ITPK1: variants seen among roughly 807,000 people sequenced by gnomAD.
ITPK1 encodes the protein inositol 1,3,4-trisphosphate 5/6-kinase.
A neutral mutation model predicts 45.3 loss-of-function variants in ITPK1; 21 were observed. That is an observed-to-expected ratio of 0.46 (90% CI 0.33 to 0.67). ITPK1 has a LOEUF of 0.67. ITPK1 is among the 30% of genes least tolerant of loss of function. The pLI, the probability that ITPK1 is intolerant of heterozygous loss-of-function variation, is 0.02. For missense variants in ITPK1, 474 were observed against 573.5 expected (o/e 0.83, Z 1.77); for synonymous variants, 258 against 253.6 (o/e 1.02, Z -0.16).
At chr14:93,018,362 G>A (rs935075492) in intron 3 of ITPK1, among the ~76,000 whole-genome samples, 4 of 152,114 alleles carry the variant, frequency 2.6e-5, no homozygotes, top group South Asian at 4.2e-4. Context: ...TGTTAGCACC[G>A]GGGAACTTTG....
rs547080570 is a variant in ITPK1, at chr14:93,040,464, G to T, written c.121-23663C>A. 6.6e-5 allele frequency among the ~76,000 whole-genome samples: 10 copies of T among 152,254 alleles called. No individual in the cohort carries two copies. In the South Asian group the frequency reaches 1.9e-3, roughly 28 times the overall value. ...TCACCACCAACAGAATGAGGTCAAGGCCCCTGGCCAGAGCACACATGGTCC... is the reference window on the plus strand; with the variant it reads ...TCACCACCAACAGAATGAGGTCAAGTCCCCTGGCCAGAGCACACATGGTCC... On this transcript the variant is annotated intron_variant, in intron 3 of 10. Coordinates refer to ENST00000267615, the MANE Select transcript of ITPK1 (RefSeq NM_014216.6).
At position 93,036,989 on chromosome 14, in the gene ITPK1, T is replaced by G. The variant is rs1020392734; in HGVS notation, c.121-20188A>C. The G allele has an allele frequency of 6.6e-6, 1 of 152,222 alleles. No individual in the cohort carries two copies. Among genetic ancestry groups the G allele is most frequent in the Admixed American group, 6.5e-5 (1 of 15,282 alleles). 9.4% of individuals were successfully genotyped at this position (152,222 alleles called of 1,614,324 possible). On this transcript the variant is annotated intron_variant, in intron 3 of 10. Transcript: ENST00000267615. This position sits in a 1 kb window ranked among gnomAD's most constrained non-coding sequence, Gnocchi z 4.1. ...GCCCCCACCCCCTAACAATGCTCCTTTTTTCTTGGGCACTGACCCTCACTT... is the reference window on the plus strand; with the variant it reads ...GCCCCCACCCCCTAACAATGCTCCTGTTTTCTTGGGCACTGACCCTCACTT...
At chr14:92,962,241 G>A (rs974669389) in intron 7 of ITPK1, 114 bp downstream of exon 7, 28 of 815,136 alleles carry the variant, frequency 3.4e-5, no homozygotes, top group Non-Finnish European at 5.7e-5. Context: ...AAGGAGCCAG[G>A]ACTAACAGCA....
At chr14:92,981,234 T>A (rs1886213522) in intron 5 of ITPK1, among the ~76,000 whole-genome samples, 1 of 152,084 alleles carries the variant, frequency 6.6e-6, no homozygotes, top group African/African-American at 2.4e-5. Context: ...GTCACCACCC[T>A]CATCACACCC....
intron 2 of ITPK1, among the ~76,000 whole-genome samples, chr14:93,085,529 G>A (rs1891615472): frequency 1.3e-5 from 2 of 152,186 alleles, no homozygotes; most frequent in South Asian, 2.1e-4. Context: ...GACAGAGTGG[G>A]TGACCCACCT....
intron 3 of ITPK1, among the ~76,000 whole-genome samples, chr14:93,027,323 G>GAGAGT (rs778716995): frequency 6.6e-6 from 1 of 151,964 alleles, no homozygotes; most frequent in African/African-American, 2.4e-5. Context: ...TTTGGAGTCT[G>GAGAGT]AGAGTCAGAC....
chr14:93,057,085 G>A (rs915529096), intron 3 of ITPK1, among the ~76,000 whole-genome samples: 1 of 152,156 alleles, frequency 6.6e-6, no homozygotes, highest in African/African-American at 2.4e-5. Flanking sequence ...TGCCACCCGG[G>A]AGACCATAGG....
chr14:93,111,581 C>T (rs1434576491), intron 2 of ITPK1, among the ~76,000 whole-genome samples: 1 of 151,710 alleles, frequency 6.6e-6, no homozygotes. Flanking sequence ...CGTGGTGGTG[C>T]GCACCTGTAA....
At position 92,941,352 on chromosome 14, in the gene ITPK1, C is replaced by T. The variant is rs149135030; in HGVS notation, c.*209G>A. The T allele has an allele frequency of 6.2e-5, 88 of 1,411,456 alleles. No homozygotes were observed. The highest frequency in any genetic ancestry group is 5.2e-4 in the Middle Eastern group (2 of 3,816). The allele number at this position is 1,411,456 out of a possible 1,614,324, so 87.4% of individuals were successfully genotyped here. On this transcript the variant is annotated 3_prime_UTR_variant, in exon 11 of 11. Coordinates refer to ENST00000267615, the MANE Select transcript of ITPK1 (RefSeq NM_014216.6). ...CACAGTAGAGAGCAGGCGGACGGCC[C>T]CACTCCCCAACGGTGGACCACCTGG... is the stretch of plus-strand genomic sequence containing the variant.
intron 3 of ITPK1, among the ~76,000 whole-genome samples, chr14:93,059,579 G>A (rs1595177656): frequency 5.3e-5 from 2 of 37,640 alleles, no homozygotes; most frequent in African/African-American, 1.3e-4. Flanking sequence ...CAGGTCACAA[G>A]GCAGGGGTGG....
intron 3 of ITPK1, among the ~76,000 whole-genome samples, chr14:93,064,971 T>G (rs530676400): frequency 1.3e-5 from 2 of 152,096 alleles, no homozygotes; most frequent in Admixed American, 1.3e-4. Context: ...CTGCCCATAA[T>G]GAACTAGCAC....
chr14:93,001,598 C>T (rs559512266), intron 4 of ITPK1, among the ~76,000 whole-genome samples: 8 of 152,258 alleles, frequency 5.3e-5, no homozygotes, highest in Admixed American at 4.6e-4. Context: ...ACTTCCCAGC[C>T]GACTCTAGGA....
At chr14:93,057,326 A>G (rs896226263) in intron 3 of ITPK1, among the ~76,000 whole-genome samples, 1 of 152,184 alleles carries the variant, frequency 6.6e-6, no homozygotes, top group Admixed American at 6.5e-5. Flanking sequence ...TTCTCTCGAA[A>G]TCTGTCCTGC....
At chr14:93,096,163 C>T (rs375270698) in intron 2 of ITPK1, among the ~76,000 whole-genome samples, 9 of 152,320 alleles carry the variant, frequency 5.9e-5, no homozygotes, top group Admixed American at 4.6e-4. Flanking sequence ...CTCCTGTGCC[C>T]CTGGGGCCTC....
At chr14:93,092,580 C>A (rs906615869) in intron 2 of ITPK1, among the ~76,000 whole-genome samples, 2 of 152,244 alleles carry the variant, frequency 1.3e-5, no homozygotes, top group African/African-American at 4.8e-5. Flanking sequence ...TGGCCCTCAA[C>A]GGAGCAATTT....
At chr14:92,954,213 C>G (rs1177540563) in intron 8 of ITPK1, among the ~76,000 whole-genome samples, 1 of 152,180 alleles carries the variant, frequency 6.6e-6, no homozygotes, top group Admixed American at 6.5e-5. Context: ...TAATTCTGAC[C>G]TGGGAGCTCT....
intron 3 of ITPK1, among the ~76,000 whole-genome samples, chr14:93,026,421 A>C (rs1888730213): frequency 6.6e-6 from 1 of 152,250 alleles, no homozygotes; most frequent in Admixed American, 6.5e-5. Context: ...TCATTCATAC[A>C]ACAAATGCAA....
intron 5 of ITPK1, among the ~76,000 whole-genome samples, chr14:92,979,692 T>C (rs1260695145): frequency 6.6e-6 from 1 of 152,136 alleles, no homozygotes; most frequent in African/African-American, 2.4e-5. Flanking sequence ...CCTTCCGCCA[T>C]GATTGTAAGT....
chr14:93,024,857 G>C (rs1595147332), intron 3 of ITPK1, among the ~76,000 whole-genome samples: 1 of 152,258 alleles, frequency 6.6e-6, no homozygotes, highest in Non-Finnish European at 1.5e-5. Flanking sequence ...TGAGCCTTCT[G>C]CCTTCATCAG....
Sources: allele counts gnomAD v4.1 joint callset (sites outside exome capture counted in the v4.1 genomes callset), GRCh38; gene constraint gnomAD v4.1.1; non-coding constraint Gnocchi (gnomAD v3.1); transcripts MANE v1.5; gene names NCBI Gene and HGNC (gene_info 2026-07-23, HGNC 2026-07-21).